The following NEDD9 variants were observed in gnomAD, a reference collection of about 807,000 sequenced individuals.
NEDD9 encodes the protein enhancer of filamentation 1.
NEDD9 carries 26 observed loss-of-function variants against 76.6 expected under a neutral mutation model. The observed-to-expected ratio is 0.34, with a 90% confidence interval of 0.25 to 0.47. The LOEUF is 0.47. NEDD9 is among the 20% of genes least tolerant of loss of function. The pLI is 1.00. For synonymous variants in NEDD9, 392 were observed against 414.2 expected, an observed-to-expected ratio of 0.95 and a Z score of 0.65; for missense variants, 937 against 1,058.5, an observed-to-expected ratio of 0.89 and a Z score of 1.59.
At chr6:11,336,591 G>A (rs1029827194) in intron 1 of NEDD9, among the ~76,000 whole-genome samples, 2 of 152,182 alleles carry the variant, frequency 1.3e-5, no homozygotes, top group Admixed American at 1.3e-4. Flanking sequence ...TGCTCTGGGT[G>A]AGTCAGTGAG....
intron 1 of NEDD9, among the ~76,000 whole-genome samples, chr6:11,219,321 C>T (rs73437344): frequency 0.044 from 6,750 of 152,286 alleles, 537 homozygotes; most frequent in African/African-American, 0.15. Context: ...ACCACTCATG[C>T]GGTCGTTTGA....
intron 3 of NEDD9, among the ~76,000 whole-genome samples, chr6:11,264,865 G>GTTTGTTTT (rs1561810370): frequency 6.8e-6 from 1 of 146,648 alleles, no homozygotes; most frequent in African/African-American, 2.6e-5. Context: ...CTGTTTGTTT[G>GTTTGTTTT]TTTGTTTCTT....
chr6:11,236,276 C>T (rs1005468874), upstream of NEDD9, among the ~76,000 whole-genome samples: 2 of 152,182 alleles, frequency 1.3e-5, no homozygotes, highest in Non-Finnish European at 2.9e-5. The surrounding 1 kb of genome is among the most constrained non-coding windows in gnomAD (Gnocchi z 5.5). Context: ...CGGTGGGCAT[C>T]CCCTCCTGTC....
At chr6:11,371,721 A>G (rs1762879371) in intron 1 of NEDD9, among the ~76,000 whole-genome samples, 1 of 152,224 alleles carries the variant, frequency 6.6e-6, no homozygotes, top group Admixed American at 6.5e-5. Flanking sequence ...TCTTTGAGGT[A>G]CATCAACGTG....
At chr6:11,242,214 A>C (rs915775213) in intron 3 of NEDD9, among the ~76,000 whole-genome samples, 7 of 152,152 alleles carry the variant, frequency 4.6e-5, no homozygotes, top group Non-Finnish European at 7.4e-5. Flanking sequence ...AAAAAGCCAA[A>C]GGGGGTCTGG....
At chr6:11,311,369 G>T (rs1236110683) in intron 2 of NEDD9, among the ~76,000 whole-genome samples, 1 of 152,146 alleles carries the variant, frequency 6.6e-6, no homozygotes, top group Non-Finnish European at 1.5e-5. Flanking sequence ...AGAAACATGG[G>T]CAGATTCTTT....
intron 5 of NEDD9, 67 bp from the exon 6 acceptor site, chr6:11,188,374 T>C (rs571120203): frequency 1.6e-6 from 2 of 1,284,902 alleles, no homozygotes; most frequent in East Asian, 2.3e-5. Flanking sequence ...AACAATTTCA[T>C]TGACGGATGA....
At chr6:11,321,818 G>A (rs1561834183) in intron 2 of NEDD9, among the ~76,000 whole-genome samples, 2 of 152,196 alleles carry the variant, frequency 1.3e-5, no homozygotes, top group Non-Finnish European at 2.9e-5. Context: ...TTCCAGGAAA[G>A]TCTCTAGCGA....
chr6:11,290,662 G>A (rs1023410346), intron 3 of NEDD9, among the ~76,000 whole-genome samples: 3 of 152,100 alleles, frequency 2.0e-5, no homozygotes, highest in African/African-American at 7.2e-5. Flanking sequence ...GAGACCAAAT[G>A]AGCCCTTTTA....
Position 11,374,066 on chromosome 6 carries a change from C to CTCTA in NEDD9, c.-214+8072_-214+8073insTAGA, listed in dbSNP as rs1554136634. 1.6e-3 allele frequency among the ~76,000 whole-genome samples: 232 copies of CTCTA among 149,668 alleles called. 1 individual carries two copies. Among genetic ancestry groups the CTCTA allele is most frequent in the African/African-American group, 5.2e-3 (211 of 40,594 alleles). ...TAAATCTCTCTCTCTCTCTCTCTCT[C>CTCTA]TATATATATATGTATATATATACAC... On this transcript the variant is annotated intron_variant, in intron 1 of 3. Coordinates refer to the NEDD9 transcript ENST00000397378.
chr6:11,359,612 A>G (rs1034434132), intron 1 of NEDD9, among the ~76,000 whole-genome samples: 1 of 152,260 alleles, frequency 6.6e-6, no homozygotes, highest in East Asian at 1.9e-4. Context: ...CTTTAGAAGG[A>G]TGACTGGAAG....
intron 2 of NEDD9, among the ~76,000 whole-genome samples, chr6:11,319,463 TACAC>T (rs1443022801): frequency 2.8e-5 from 4 of 143,752 alleles, no homozygotes. Flanking sequence ...CACACACTGG[TACAC>T]ACTCACACTA....
At chr6:11,327,454 G>A (rs1427504294) in intron 2 of NEDD9, among the ~76,000 whole-genome samples, 3 of 152,116 alleles carry the variant, frequency 2.0e-5, no homozygotes, top group Admixed American at 6.5e-5. Flanking sequence ...AAAGTACATC[G>A]AACAGTTCTG....
chr6:11,379,204 C>A (rs1763019015), intron 1 of NEDD9, among the ~76,000 whole-genome samples: 3 of 152,286 alleles, frequency 2.0e-5, no homozygotes, highest in South Asian at 4.1e-4. Context: ...TGGGGCTTTC[C>A]TAGTCTTCTC....
upstream of NEDD9, among the ~76,000 whole-genome samples, chr6:11,237,177 G>A (rs540465884): frequency 1.1e-4 from 16 of 152,126 alleles, 1 homozygote; most frequent in East Asian, 2.7e-3. The surrounding 1 kb of genome is among the most constrained non-coding windows in gnomAD (Gnocchi z 4.9). Flanking sequence ...ACTGGAACAC[G>A]GCCCTATTAT....
intron 1 of NEDD9, among the ~76,000 whole-genome samples, chr6:11,334,800 T>A (rs1439317467): frequency 6.6e-6 from 1 of 152,230 alleles, no homozygotes; most frequent in Non-Finnish European, 1.5e-5. Context: ...TTAATTCAAG[T>A]TCAAAATGAG....
intron 3 of NEDD9, among the ~76,000 whole-genome samples, chr6:11,278,215 C>T (rs927587884): frequency 6.6e-6 from 1 of 152,164 alleles, no homozygotes; most frequent in South Asian, 2.1e-4. Flanking sequence ...CGCTCTTTTC[C>T]CAGTTCGCAC....
At chr6:11,369,934 A>T (rs1451812734) in intron 1 of NEDD9, among the ~76,000 whole-genome samples, 2 of 152,226 alleles carry the variant, frequency 1.3e-5, no homozygotes, top group Non-Finnish European at 2.9e-5. Context: ...CAAAAGAAAG[A>T]AATCTCTGCT....
Position 11,190,370 on chromosome 6 carries a change from C to T in NEDD9, c.1499G>A (p.Ser500Asn), listed in dbSNP as rs867206422. 6.2e-7 allele frequency: 1 copy of T among 1,614,058 alleles called. No homozygotes were observed. Among genetic ancestry groups the T allele is most frequent in the African/African-American group, 1.3e-5 (1 of 74,912 alleles). The change falls in exon 5 of 7, where the codon AGT becomes AAT. Residue 500 changes from serine to asparagine, a missense_variant. Transcript: ENST00000379446. The surrounding 1 kb of genome is among the most constrained non-coding windows in gnomAD (Gnocchi z 5.8). Reference protein sequence around the residue: ...QRVEDSHQILSQTSHDLNECS... With the variant: ...QRVEDSHQILNQTSHDLNECS... ...CTCATTTAAGTCATGGCTGGTTTGA[C>T]TCAGGATCTGGTGGGAGTCTTCAAC...
Sources: gnomAD v4.1 joint callset for allele counts (sites outside exome capture counted in the v4.1 genomes callset) on GRCh38, gnomAD v4.1.1 for gene constraint, Gnocchi (gnomAD v3.1) non-coding constraint, MANE v1.5 for transcripts, NCBI Gene and HGNC (gene_info 2026-07-23, HGNC 2026-07-21) for gene names.